FHOD3: variants seen among roughly 807,000 people sequenced by gnomAD.
FHOD3 encodes the protein formin homology 2 domain containing 3.
Under a neutral mutation model 173.0 loss-of-function variants are expected in FHOD3, and 90 were observed. The observed-to-expected ratio is 0.52, with a 90% CI of 0.44 to 0.62. The LOEUF (loss-of-function observed/expected upper bound fraction) is 0.62. Among genes scored for constraint, FHOD3 ranks in the 20% least tolerant of loss-of-function variants. The probability of loss-of-function intolerance (pLI) is 0.00; values close to 1 mark genes in which losing one functional copy is unlikely to be tolerated. For missense variants in FHOD3, 1,945 were observed against 2,034.7 expected (o/e 0.96, Z 0.85); for synonymous variants, 828 against 823.0 (o/e 1.01, Z -0.10).
At chr18:36,600,252 A>AACACACACACAC (rs67473480) in intron 7 of FHOD3, among the ~76,000 whole-genome samples, 3,779 of 143,102 alleles carry the variant, frequency 0.026, 106 homozygotes, top group African/African-American at 0.068. Context: ...TCTCCTCTGC[A>AACACACACACAC]ACACACACAC....
chr18:36,686,477 G>A (rs554666728), intron 15 of FHOD3, among the ~76,000 whole-genome samples: 54 of 151,016 alleles, frequency 3.6e-4, no homozygotes, highest in African/African-American at 1.2e-3. Flanking sequence ...AACACACACT[G>A]GGGCCTGTCA....
chr18:36,618,878 A>G (rs1226152278), intron 9 of FHOD3, among the ~76,000 whole-genome samples: 3 of 152,090 alleles, frequency 2.0e-5, no homozygotes, highest in Non-Finnish European at 2.9e-5. Flanking sequence ...TCTCTGGGGT[A>G]TCTCTCTGAT....
chr18:36,341,569 G>A (rs1219858909), intron 1 of FHOD3, among the ~76,000 whole-genome samples: 1 of 152,170 alleles, frequency 6.6e-6, no homozygotes, highest in Non-Finnish European at 1.5e-5. Flanking sequence ...GCTAATAGTA[G>A]TTTCATTCTG....
At chr18:36,642,582 C>CAAAAAAAA (rs35920197) in intron 10 of FHOD3, among the ~76,000 whole-genome samples, 1 of 61,818 alleles carries the variant, frequency 1.6e-5, no homozygotes, top group Non-Finnish European at 3.7e-5. Context: ...GACTCCGTCT[C>CAAAAAAAA]AAAAAAAAAA....
intron 1 of FHOD3, among the ~76,000 whole-genome samples, chr18:36,339,847 AATG>A (rs1205247604): frequency 2.6e-5 from 4 of 152,134 alleles, no homozygotes; most frequent in African/African-American, 9.7e-5. Context: ...ATGGAAGGAG[AATG>A]ATTTTTTTCC....
At chr18:36,753,252 T>C (rs890291672) in intron 24 of FHOD3, among the ~76,000 whole-genome samples, 3 of 152,154 alleles carry the variant, frequency 2.0e-5, no homozygotes, top group Non-Finnish European at 4.4e-5. Context: ...CCTTGGCCTC[T>C]GTGTCCCTCC....
In FHOD3 at chr18:36,594,786, G is replaced by T; in HGVS notation, c.607-1G>T. ...TGTGATGGTTTTATCTCTTCTGCCA[G>T]TTCCGCCTGGTGGTGAAGACAGCCC... On this transcript the variant is annotated splice_acceptor_variant, in intron 6 of 28. Transcript: ENST00000590592. LOFTEE classifies it high-confidence loss of function. The T allele has an allele frequency of 6.2e-7, 1 of 1,611,948 alleles. No homozygotes were observed. Among genetic ancestry groups the T allele is most frequent in the Non-Finnish European group, 8.5e-7 (1 of 1,178,520 alleles).
At chr18:36,402,326 C>A (rs1003569433) in intron 3 of FHOD3, among the ~76,000 whole-genome samples, 1 of 152,108 alleles carries the variant, frequency 6.6e-6, no homozygotes, top group East Asian at 1.9e-4. Context: ...CAGCAAAGAA[C>A]CTGAGTGCTC....
chr18:36,335,329 A>C (rs1403854891), intron 1 of FHOD3, among the ~76,000 whole-genome samples: 2 of 151,748 alleles, frequency 1.3e-5, no homozygotes, highest in Non-Finnish European at 2.9e-5. Context: ...CCCCGTCTCT[A>C]CTAAAAATAC....
chr18:36,620,775 T>G (rs182123275), intron 9 of FHOD3, among the ~76,000 whole-genome samples: 3 of 152,382 alleles, frequency 2.0e-5, no homozygotes, highest in African/African-American at 7.2e-5. Flanking sequence ...ATCCTTTAGA[T>G]AGCTGGCAGA....
At chr18:36,432,430 G>A (rs916269979) in intron 3 of FHOD3, among the ~76,000 whole-genome samples, 6 of 152,260 alleles carry the variant, frequency 3.9e-5, no homozygotes, top group Middle Eastern at 3.4e-3. Flanking sequence ...ACCAGTGTAA[G>A]ACTCTGTTCA....
intron 14 of FHOD3, among the ~76,000 whole-genome samples, chr18:36,674,610 A>T (rs1285463366): frequency 1.3e-5 from 2 of 152,102 alleles, no homozygotes; most frequent in Admixed American, 1.3e-4. Context: ...TTCTTCTTGC[A>T]TTCTTAAAAT....
At chr18:36,512,326 T>G (rs1228425899) in intron 4 of FHOD3, 112 bp from the exon 5 acceptor site, 1 of 754,426 alleles carries the variant, frequency 1.3e-6, no homozygotes, top group South Asian at 1.5e-5. Context: ...AGCAGAGCAA[T>G]CTGTAGGGTC....
chr18:36,317,588 T>A lies in FHOD3; in HGVS notation c.165+19588T>A, dbSNP rs536994141. ...GATGGGGTTGTTTGTTTTTTTCTTG[T>A]AAATTTTGTTTAAGTTCTTTGTAGA... On this transcript the variant is annotated intron_variant, in intron 1 of 28. Transcript: ENST00000590592. Among the ~76,000 whole-genome samples, 55 of 152,352 alleles carry A rather than the reference T, an allele frequency of 3.6e-4. 1 individual carries two copies. In the South Asian group the frequency reaches 9.7e-3, roughly 27 times the overall value.
chr18:36,551,489 A>T (rs1599621082), intron 5 of FHOD3, among the ~76,000 whole-genome samples: 1 of 149,196 alleles, frequency 6.7e-6, no homozygotes, highest in African/African-American at 2.6e-5. Flanking sequence ...AATTAATTTA[A>T]TTAATTGATT....
chr18:36,371,059 A>G (rs2047162719), intron 2 of FHOD3, among the ~76,000 whole-genome samples: 1 of 152,206 alleles, frequency 6.6e-6, no homozygotes, highest in Admixed American at 6.5e-5. Context: ...TTCTGTAGAC[A>G]TCGTGTATTG....
chr18:36,508,751 A>G (rs1277296984), intron 4 of FHOD3, among the ~76,000 whole-genome samples: 2 of 152,124 alleles, frequency 1.3e-5, no homozygotes, highest in Non-Finnish European at 1.5e-5. Context: ...GTCACTTATG[A>G]ACTTTAGGAT....
chr18:36,415,089 G>A (rs1269238398), intron 3 of FHOD3, among the ~76,000 whole-genome samples: 1 of 152,188 alleles, frequency 6.6e-6, no homozygotes, highest in East Asian at 1.9e-4. Context: ...CTCACCAGGA[G>A]GGCCTCACAG....
Position 36,525,368 on chromosome 18 carries a change from C to T in FHOD3, c.511+12825C>T, listed in dbSNP as rs544653156. On this transcript the variant is annotated intron_variant, in intron 5 of 28. Coordinates refer to ENST00000590592, the MANE Select transcript of FHOD3 (RefSeq NM_001281740.3). Reference sequence around the variant, plus strand: ...AGGAAATGAATTCTGCCAACAACCACATGAGCTTGGAAGAGGACCCCAAGC... The same window carrying T: ...AGGAAATGAATTCTGCCAACAACCATATGAGCTTGGAAGAGGACCCCAAGC... 5.3e-5 allele frequency among the ~76,000 whole-genome samples: 8 copies of T among 152,248 alleles called. No individual in the cohort carries two copies. The East Asian group carries it at 1.5e-3, about 29-fold the overall frequency.
Sources: allele counts gnomAD v4.1 joint callset (sites outside exome capture counted in the v4.1 genomes callset), GRCh38; gene constraint gnomAD v4.1.1; transcripts MANE v1.5; gene names NCBI Gene and HGNC (gene_info 2026-07-23, HGNC 2026-07-21).